Variants in SMARCC1 observed in about 807,000 individuals in gnomAD.
SMARCC1 encodes SWI/SNF related BAF chromatin remodeling complex subunit C1, also known as SWI/SNF complex subunit SMARCC1.
SMARCC1 carries 43 observed loss-of-function variants against 147.4 expected under a neutral mutation model. The observed-to-expected ratio is 0.29, with a 90% CI of 0.23 to 0.38. SMARCC1 has a LOEUF of 0.38. SMARCC1 is among the 10% of genes least tolerant of loss of function. The pLI, the probability that SMARCC1 is intolerant of heterozygous loss-of-function variation, is 1.00. For missense variants in SMARCC1, 1,119 were observed against 1,381.1 expected, an observed-to-expected ratio of 0.81 and a Z score of 3.01; for synonymous variants, 495 against 484.4, an observed-to-expected ratio of 1.02 and a Z score of -0.29.
chr3:47,677,773 G>A (rs765966966), intron 16 of SMARCC1, among the ~76,000 whole-genome samples: 153 of 152,070 alleles, frequency 1.0e-3, no homozygotes, highest in Non-Finnish European at 1.9e-3. Context: ...CCTGACCTCA[G>A]GTGATCCGCC....
At chr3:47,737,173 C>T (rs1424851912) in intron 4 of SMARCC1, among the ~76,000 whole-genome samples, 1 of 152,110 alleles carries the variant, frequency 6.6e-6, no homozygotes, top group Non-Finnish European at 1.5e-5. Context: ...AAGCAAATCG[C>T]TTGAATTCAT....
chr3:47,622,396 TAAG>T, intron 24 of SMARCC1, 55 bp from the exon 25 acceptor site: 1 of 1,532,698 alleles, frequency 6.5e-7, no homozygotes, highest in African/African-American at 1.4e-5. Flanking sequence ...TAAAGAACAT[TAAG>T]AAAATGCTGA....
intron 26 of SMARCC1, among the ~76,000 whole-genome samples, chr3:47,591,918 A>T (rs2032190201): frequency 6.6e-6 from 1 of 152,272 alleles, no homozygotes. Context: ...GAACACTAAC[A>T]GAATCATTTG....
chr3:47,727,758 G>C (rs910731290), intron 6 of SMARCC1, among the ~76,000 whole-genome samples: 2 of 150,324 alleles, frequency 1.3e-5, no homozygotes, highest in South Asian at 2.1e-4. Context: ...TAGGATTACA[G>C]ACACCTGCCA....
intron 20 of SMARCC1, 41 bp downstream of exon 20, chr3:47,662,293 T>G (rs1441178838): frequency 6.4e-7 from 1 of 1,566,600 alleles, no homozygotes; most frequent in African/African-American, 1.4e-5. Flanking sequence ...TGGGATAAAC[T>G]GAGTTTTTCT....
chr3:47,712,680 T>A (rs1333007872), intron 8 of SMARCC1, among the ~76,000 whole-genome samples: 3 of 152,202 alleles, frequency 2.0e-5, no homozygotes, highest in African/African-American at 4.8e-5. Context: ...TTTACACTCC[T>A]AATTAGAGGC....
chr3:47,688,503 CAAG>C (rs999322452), intron 13 of SMARCC1, among the ~76,000 whole-genome samples: 7 of 151,862 alleles, frequency 4.6e-5, no homozygotes, highest in South Asian at 2.1e-4. Flanking sequence ...GAAATTATTT[CAAG>C]AAGATTGGGG....
At chr3:47,742,865 G>A (rs1020074757) in intron 3 of SMARCC1, among the ~76,000 whole-genome samples, 2 of 152,178 alleles carry the variant, frequency 1.3e-5, no homozygotes, top group African/African-American at 4.8e-5. Flanking sequence ...TTACAGGCAT[G>A]AGCCACCACA....
At chr3:47,762,568 T>C (rs762489705) in intron 2 of SMARCC1, among the ~76,000 whole-genome samples, 1 of 152,244 alleles carries the variant, frequency 6.6e-6, no homozygotes, top group Non-Finnish European at 1.5e-5. Flanking sequence ...CAACATTTTA[T>C]GCTCAACGTA....
At position 47,586,743 on chromosome 3, in the gene SMARCC1, G is replaced by A. The variant is rs374090006; in HGVS notation, c.*1466C>T. 1.3e-5 allele frequency: 2 copies of A among 152,672 alleles called. No individual in the cohort carries two copies. The highest frequency in any genetic ancestry group is 4.1e-4 in the South Asian group (2 of 4,826). 9.5% of individuals were successfully genotyped at this position (152,672 alleles called of 1,614,324 possible). A position where few individuals can be genotyped will look rare whatever the true frequency, so the allele number is the denominator to read the frequency against. On this transcript the variant is annotated 3_prime_UTR_variant, in exon 28 of 28. Coordinates refer to ENST00000254480, the MANE Select transcript of SMARCC1 (RefSeq NM_003074.4). ...TGAAACTGCCACTTGAGAATGTGAA[G>A]TGAGAAAGCCAGGCGCTTTGGAAAC... is the stretch of plus-strand genomic sequence containing the variant.
chr3:47,635,910 TAAGA>T (rs2106702962), intron 23 of SMARCC1, 108 bp downstream of exon 23: 1 of 629,756 alleles, frequency 1.6e-6, no homozygotes, highest in Admixed American at 3.0e-5. Flanking sequence ...ATTGTTACAT[TAAGA>T]AACAAACCCA....
chr3:47,745,616 G>A (rs1017598649), intron 3 of SMARCC1, among the ~76,000 whole-genome samples: 1 of 152,050 alleles, frequency 6.6e-6, no homozygotes. Flanking sequence ...AGGAGGCTGG[G>A]GCATGAGAAT....
intron 26 of SMARCC1, among the ~76,000 whole-genome samples, chr3:47,592,156 T>C (rs566175471): frequency 6.6e-6 from 1 of 152,324 alleles, no homozygotes; most frequent in African/African-American, 2.4e-5. Context: ...AACACTAAAA[T>C]ACCTCCTGTA....
At chr3:47,663,213 A>G (rs1413434006) in intron 19 of SMARCC1, among the ~76,000 whole-genome samples, 1 of 4,910 alleles carries the variant, frequency 2.0e-4, no homozygotes, top group Non-Finnish European at 5.2e-4. Context: ...AGGGGAGGGG[A>G]GGAAGGAAGG....
intron 12 of SMARCC1, among the ~76,000 whole-genome samples, chr3:47,692,314 G>C (rs541548532): frequency 6.6e-6 from 1 of 152,208 alleles, no homozygotes; most frequent in African/African-American, 2.4e-5. Flanking sequence ...TACCTTACTT[G>C]TGAAAATGTA....
At chr3:47,612,551 G>A (rs1319068770) in intron 25 of SMARCC1, among the ~76,000 whole-genome samples, 1 of 152,098 alleles carries the variant, frequency 6.6e-6, no homozygotes, top group Non-Finnish European at 1.5e-5. Flanking sequence ...TTCTTTGAGG[G>A]CTTACCTTAG....
chr3:47,717,785 T>C (rs1055724995), intron 7 of SMARCC1, among the ~76,000 whole-genome samples: 4 of 152,044 alleles, frequency 2.6e-5, no homozygotes, highest in Non-Finnish European at 4.4e-5. Context: ...CAAGGTGGTC[T>C]AGAACTCCTG....
At chr3:47,705,870 C>T (rs2033985520) in intron 10 of SMARCC1, among the ~76,000 whole-genome samples, 1 of 152,130 alleles carries the variant, frequency 6.6e-6, no homozygotes, top group Non-Finnish European at 1.5e-5. Context: ...AGGCAATGTG[C>T]AAAGGCTTTA....
At chr3:47,694,525 G>A (rs1461563317) in intron 11 of SMARCC1, among the ~76,000 whole-genome samples, 3 of 152,122 alleles carry the variant, frequency 2.0e-5, no homozygotes, top group South Asian at 2.1e-4. Context: ...ACTTGAACCC[G>A]GGAGGTGGAA....
Sources: gnomAD v4.1 joint callset for allele counts (sites outside exome capture counted in the v4.1 genomes callset) on GRCh38, gnomAD v4.1.1 for gene constraint, MANE v1.5 for transcripts, NCBI Gene and HGNC (gene_info 2026-07-23, HGNC 2026-07-21) for gene names.